S1PR2: variants seen among roughly 807,000 people sequenced by gnomAD.
S1PR2 encodes sphingosine 1-phosphate receptor 2.
Under a neutral mutation model 16.1 loss-of-function variants are expected in S1PR2, and 9 were observed. That is an observed-to-expected ratio of 0.56 (90% CI 0.34 to 0.98). The LOEUF (loss-of-function observed/expected upper bound fraction) is 0.98. Among genes scored for constraint, S1PR2 ranks in the 50% least tolerant of loss-of-function variants. The pLI, the probability that S1PR2 is intolerant of heterozygous loss-of-function variation, is 0.02. For missense variants in S1PR2, 361 were observed against 488.4 expected, an observed-to-expected ratio of 0.74 and a Z score of 2.46; for synonymous variants, 224 against 233.9, an observed-to-expected ratio of 0.96 and a Z score of 0.38.
At chr19:10,230,021 A>G (rs2145446144) in intron 1 of S1PR2, among the ~76,000 whole-genome samples, 1 of 152,322 alleles carries the variant, frequency 6.6e-6, no homozygotes, top group Non-Finnish European at 1.5e-5. Flanking sequence ...AGGAGACCCT[A>G]GTGGGTTCCC....
chr19:10,228,309 TCAAAA>T (rs140658666), intron 1 of S1PR2, among the ~76,000 whole-genome samples: 270 of 151,688 alleles, frequency 1.8e-3, no homozygotes, highest in Middle Eastern at 3.4e-3. Context: ...CGAGACTGTC[TCAAAA>T]CAAAACAAAA....
chr19:10,224,444 G>A lies in S1PR2; in HGVS notation c.462C>T (p.Ala154=). 6.2e-7 allele frequency: 1 copy of A among 1,613,670 alleles called. No homozygotes were observed. The highest frequency in any genetic ancestry group is 8.5e-7 in the Non-Finnish European group (1 of 1,179,880). Residue 154 remains alanine (A), a synonymous_variant, in exon 2 of 2, where the codon GCC becomes GCT. Transcript: ENST00000646641. ...KSCRMLLLIG[A]SWLISLVLGG... ...CGAGGACCAGCGAGATGAGCCACGA[G>A]GCCCCGATGAGCAGAAGCATGCGGC... is the stretch of plus-strand genomic sequence containing the variant.
chr19:10,230,967 C>T (rs777469644), intron 1 of S1PR2, among the ~76,000 whole-genome samples: 4 of 152,354 alleles, frequency 2.6e-5, no homozygotes, highest in Non-Finnish European at 5.9e-5. Context: ...TTCTCCCCGG[C>T]GCCAACTTCC....
intron 1 of S1PR2, among the ~76,000 whole-genome samples, chr19:10,230,019 C>T (rs746712053): frequency 6.6e-6 from 1 of 152,136 alleles, no homozygotes; most frequent in Non-Finnish European, 1.5e-5. Context: ...AAAGGAGACC[C>T]TAGTGGGTTC....
In S1PR2 at chr19:10,222,391, G is replaced by A. The variant is rs552280721; in HGVS notation, c.*1453C>T. 1 of 152,454 alleles carries A rather than the reference G, an allele frequency of 6.6e-6. No homozygotes were observed. The highest frequency in any genetic ancestry group is 2.4e-5 in the African/African-American group (1 of 41,554). The allele number at this position is 152,454 out of a possible 1,614,324, so 9.4% of individuals were successfully genotyped here. ...GCTCAGGAGACCTGGTACCTTAGCT[G>A]GGGCTGCAGGTGTGGAGCTGAGAAT... is the stretch of plus-strand genomic sequence containing the variant. On this transcript the variant is annotated 3_prime_UTR_variant, in exon 2 of 2. Coordinates refer to ENST00000646641, the MANE Select transcript of S1PR2 (RefSeq NM_004230.4).
rs979923055 is a variant in S1PR2, at chr19:10,224,562, G to T, written c.344C>A (p.Thr115Lys). The T allele has an allele frequency of 1.2e-6, 2 of 1,613,778 alleles. No homozygotes were observed. The highest frequency in any genetic ancestry group is 3.3e-5 in the Admixed American group (2 of 60,016). Residue 115 changes from threonine to lysine, a missense_variant, in exon 2 of 2, where the codon ACG (threonine) becomes AAG (lysine). Thr to Lys is a moderately conservative substitution (Grantham distance 78). Transcript: ENST00000646641. The part of the protein sequence containing the change: ...WFAREGSAFI[T>K]LSASVFSLLA... Reference sequence around the variant, plus strand: ...GAGGCTGAAGACAGAGGCCGAGAGCGTGATGAAGGCAGAGCCCTCCCGGGC... The same window carrying T: ...GAGGCTGAAGACAGAGGCCGAGAGCTTGATGAAGGCAGAGCCCTCCCGGGC...
rs181198866 is a variant in S1PR2, at chr19:10,223,444, C to T, written c.*400G>A. On this transcript the variant is annotated 3_prime_UTR_variant, in exon 2 of 2. Transcript: ENST00000646641. ...GAGCTTGCGGTGAGCCGAGATCACG[C>T]CACTGCACTCCAGCCTGGGCAGCAG... The T allele has an allele frequency of 1.7e-4, 29 of 170,742 alleles. No individual in the cohort carries two copies. In the East Asian group the frequency reaches 4.7e-3, roughly 28 times the overall value. 10.6% of individuals were successfully genotyped at this position (170,742 alleles called of 1,614,324 possible). A position where few individuals can be genotyped will look rare whatever the true frequency, so the allele number is the denominator to read the frequency against.
At chr19:10,229,902 G>C (rs935752673) in intron 1 of S1PR2, among the ~76,000 whole-genome samples, 2 of 152,084 alleles carry the variant, frequency 1.3e-5, no homozygotes, top group Non-Finnish European at 2.9e-5. Context: ...CCTAAGGCCA[G>C]GGAGCAAGTC....
chr19:10,224,710 A>T lies in S1PR2; in HGVS notation c.196T>A (p.Ser66Thr). The T allele has an allele frequency of 6.2e-7, 1 of 1,614,226 alleles. No individual in the cohort carries two copies. Residue 66 changes from serine (S) to threonine (T), a missense_variant, in exon 2 of 2, where the codon TCG becomes ACG. By Grantham distance (58) the Ser-to-Thr change is moderately conservative. Transcript: ENST00000646641. ...TTGCCCAGAAACAGGTACATTGCCG[A>T]GTGGAACTTGCTGTTTCGGGCCACC... ...IAVARNSKFH[S>T]AMYLFLGNLA...
intron 1 of S1PR2, among the ~76,000 whole-genome samples, chr19:10,230,221 G>A (rs181868498): frequency 8.5e-5 from 13 of 152,254 alleles, no homozygotes; most frequent in Middle Eastern, 3.4e-3. Flanking sequence ...TCTGGTTTAG[G>A]AATGCGCGGT....
rs778604580 is a variant in S1PR2 at position 10,224,000 on chromosome 19, C to T, written c.906G>A (p.Pro302=). The change falls in exon 2 of 2, where the codon CCG becomes CCA. Residue 302 remains proline, a synonymous_variant. Coordinates refer to ENST00000646641, the MANE Select transcript of S1PR2 (RefSeq NM_004230.4). ...CCACCCCCGGCCTCCAGCACTGCAG[C>T]GGCCGAAGCACCTCCCGCCGCAGGT... ...SRDLRREVLR[P]LQCWRPGVGV... 1.7e-5 allele frequency: 27 copies of T among 1,611,372 alleles called. No individual in the cohort carries two copies. The South Asian group carries it at 1.9e-4, about 11-fold the overall frequency.
chr19:10,225,156 C>T (rs531855062), intron 1 of S1PR2, among the ~76,000 whole-genome samples: 7 of 152,230 alleles, frequency 4.6e-5, no homozygotes, highest in Admixed American at 1.3e-4. Flanking sequence ...ATTTAACCAG[C>T]GGCAGGGCCA....
chr19:10,224,582 C>G lies in S1PR2; in HGVS notation c.324G>C (p.Arg108=). 1 of 1,613,968 alleles carries G rather than the reference C, an allele frequency of 6.2e-7. No homozygotes were observed. Among genetic ancestry groups the G allele is most frequent in the Non-Finnish European group, 8.5e-7 (1 of 1,180,034 alleles). ...AGAGCGTGATGAAGGCAGAGCCCTC[C>G]CGGGCAAACCACTGCACAGGCGTCA... The part of the protein sequence containing the change: ...LRLTPVQWFA[R]EGSAFITLSA... Residue 108 remains arginine, a synonymous_variant, in exon 2 of 2, where the codon CGG becomes CGC. Coordinates refer to ENST00000646641, the MANE Select transcript of S1PR2 (RefSeq NM_004230.4).
intron 1 of S1PR2, among the ~76,000 whole-genome samples, chr19:10,227,393 T>A (rs774029594): frequency 1.7e-4 from 26 of 151,864 alleles, no homozygotes; most frequent in Non-Finnish European, 3.4e-4. Context: ...AGGCAGCTGC[T>A]CCCCCAGGGC....
chr19:10,223,702 A>G lies in S1PR2; in HGVS notation c.*142T>C. On this transcript the variant is annotated 3_prime_UTR_variant, in exon 2 of 2. Transcript: ENST00000646641. ...AGTCAGTGCCTTATCTGGCCTTTCC[A>G]GGTGTGAAATATTTGCAACATCACC... The G allele has an allele frequency of 2.6e-6, 2 of 773,468 alleles. No individual in the cohort carries two copies. Among genetic ancestry groups the G allele is most frequent in the Non-Finnish European group, 4.1e-6 (2 of 488,790 alleles). 47.9% of individuals were successfully genotyped at this position (773,468 alleles called of 1,614,324 possible).
At chr19:10,228,125 A>AC (rs1228018581) in intron 1 of S1PR2, among the ~76,000 whole-genome samples, 17 of 115,112 alleles carry the variant, frequency 1.5e-4, no homozygotes, top group African/African-American at 5.4e-4. Flanking sequence ...ACATGGTAAA[A>AC]CCCCCCTCTA....
chr19:10,224,046 A>G lies in S1PR2; in HGVS notation c.860T>C (p.Ile287Thr), dbSNP rs144903812. ...STLNSLLNPVIYTWRSRDLRR... is the reference protein window; with the variant it reads ...STLNSLLNPVTYTWRSRDLRR... ...CAGGTCCCGGCTGCGCCACGTGTAGATGACGGGGTTGAGCAGGGAATTCAG... is the reference window on the plus strand; with the variant it reads ...CAGGTCCCGGCTGCGCCACGTGTAGGTGACGGGGTTGAGCAGGGAATTCAG... Residue 287 changes from isoleucine (I) to threonine (T), a missense_variant, in exon 2 of 2, where the codon ATC becomes ACC. Physicochemically the swap from Ile to Thr is moderately conservative, Grantham distance 89. Coordinates refer to ENST00000646641, the MANE Select transcript of S1PR2 (RefSeq NM_004230.4). 1.6e-5 allele frequency: 25 copies of G among 1,611,426 alleles called. No individual in the cohort carries two copies. Among genetic ancestry groups the G allele is most frequent in the Non-Finnish European group, 2.0e-5 (24 of 1,180,026 alleles).
At chr19:10,230,154 C>G (rs1239127923) in intron 1 of S1PR2, among the ~76,000 whole-genome samples, 1 of 152,264 alleles carries the variant, frequency 6.6e-6, no homozygotes, top group Admixed American at 6.5e-5. Context: ...CAGCGTGTCT[C>G]CATGGAGATG....
At chr19:10,226,413 A>T (rs968007939) in intron 1 of S1PR2, among the ~76,000 whole-genome samples, 2 of 152,208 alleles carry the variant, frequency 1.3e-5, no homozygotes, top group Non-Finnish European at 2.9e-5. Context: ...GAACCTCCTT[A>T]TCTGTGCAAT....
Sources: allele counts gnomAD v4.1 joint callset (sites outside exome capture counted in the v4.1 genomes callset), GRCh38; gene constraint gnomAD v4.1.1; transcripts MANE v1.5; gene names NCBI Gene and HGNC (gene_info 2026-07-23, HGNC 2026-07-21).